Variants in MYO1E observed in about 807,000 individuals in gnomAD.
The protein encoded by MYO1E is unconventional myosin-Ie.
MYO1E carries 68 observed loss-of-function variants against 151.1 expected under a neutral mutation model. The ratio of observed to expected loss-of-function variants is 0.45; its 90% CI spans 0.37 to 0.55. MYO1E has a LOEUF of 0.55. Ranked by LOEUF, MYO1E falls within the 20% of genes least tolerant of loss-of-function variation. The pLI is 0.00. For missense variants in MYO1E, 1,363 were observed against 1,389.3 expected, an observed-to-expected ratio of 0.98 and a Z score of 0.30; for synonymous variants, 601 against 501.7, an observed-to-expected ratio of 1.20 and a Z score of -2.64.
intron 1 of MYO1E, among the ~76,000 whole-genome samples, chr15:59,283,958 T>C (rs1415703162): frequency 2.0e-5 from 3 of 152,238 alleles, no homozygotes; most frequent in East Asian, 1.9e-4. Flanking sequence ...TCCTTTTTTT[T>C]ACAGAAGAAA....
At chr15:59,212,408 G>GC (rs546082269) in intron 12 of MYO1E, among the ~76,000 whole-genome samples, 191 of 152,140 alleles carry the variant, frequency 1.3e-3, no homozygotes, top group African/African-American at 4.2e-3. Flanking sequence ...CTAAGCAGAG[G>GC]CATAAACACT....
At chr15:59,222,865 G>T (rs1387272982) in intron 9 of MYO1E, among the ~76,000 whole-genome samples, 194 bp downstream of exon 9, 1 of 152,234 alleles carries the variant, frequency 6.6e-6, no homozygotes, top group Non-Finnish European at 1.5e-5. Context: ...GAAAGGCTGG[G>T]GGTAAGGACA....
chr15:59,217,966 G>A lies in MYO1E; in HGVS notation c.1032C>T (p.Asn344=), dbSNP rs748090595. 1.4e-5 allele frequency: 22 copies of A among 1,614,118 alleles called. No individual in the cohort carries two copies. The East Asian group carries it at 1.6e-4, about 11-fold the overall frequency. ...GKSESIHVTL[N]VEQACYTRDA... is the part of the protein sequence containing the mutation. ...CCCGGGTGTAACAGGCCTGCTCTAC[G>A]TTGAGGGTCACGTGGATGGATTCGG... The change falls in exon 10 of 28, where the codon AAC becomes AAT. Residue 344 remains asparagine, a synonymous_variant. Coordinates refer to ENST00000288235, the MANE Select transcript of MYO1E (RefSeq NM_004998.4).
intron 1 of MYO1E, among the ~76,000 whole-genome samples, chr15:59,298,455 C>A (rs1383342567): frequency 1.3e-5 from 2 of 152,282 alleles, no homozygotes; most frequent in Non-Finnish European, 1.5e-5. Flanking sequence ...GAACTGAAAA[C>A]CAGAACTATG....
At chr15:59,229,670 A>G (rs1208347555) in intron 6 of MYO1E, among the ~76,000 whole-genome samples, 1 of 149,538 alleles carries the variant, frequency 6.7e-6, no homozygotes, top group Non-Finnish European at 1.5e-5. Flanking sequence ...GTATTTCGTA[A>G]TACATTCTTT....
chr15:59,140,751 G>T (rs1318496435), intron 26 of MYO1E, among the ~76,000 whole-genome samples: 1 of 152,188 alleles, frequency 6.6e-6, no homozygotes, highest in Non-Finnish European at 1.5e-5. Flanking sequence ...TGGCTGGGGG[G>T]AACACTGACT....
At chr15:59,313,117 A>T (rs1284370122) in intron 1 of MYO1E, among the ~76,000 whole-genome samples, 2 of 152,200 alleles carry the variant, frequency 1.3e-5, no homozygotes, top group East Asian at 3.8e-4. Flanking sequence ...GCTTTTGAGA[A>T]CCACTGCTTT....
chr15:59,280,022 G>C (rs532803292), intron 1 of MYO1E, among the ~76,000 whole-genome samples: 32 of 152,258 alleles, frequency 2.1e-4, no homozygotes, highest in Non-Finnish European at 3.5e-4. Context: ...GTCTTGCTAA[G>C]CAGAATGAAA....
At chr15:59,165,172 T>C (rs561031695) in intron 22 of MYO1E, among the ~76,000 whole-genome samples, 1 of 152,292 alleles carries the variant, frequency 6.6e-6, no homozygotes, top group South Asian at 2.1e-4. Flanking sequence ...AGGGGCTTGG[T>C]AATCCACAGG....
rs367706526 is a variant in MYO1E at position 59,202,565 on chromosome 15, T to G, written c.1617-158A>C. 1.5e-3 allele frequency among the ~76,000 whole-genome samples: 223 copies of G among 152,262 alleles called. 5 individuals carry two copies. In the South Asian group the frequency reaches 0.024, roughly 16 times the overall value. ...ACAGCGCGGGCCATCAAGATGTGACTTGGGGAAATGAACAACGGACAAAAG... is the reference window on the plus strand; with the variant it reads ...ACAGCGCGGGCCATCAAGATGTGACGTGGGGAAATGAACAACGGACAAAAG... On this transcript the variant is annotated intron_variant, in intron 15 of 27. Transcript: ENST00000288235.
chr15:59,327,662 G>GTA, intron 1 of MYO1E, among the ~76,000 whole-genome samples: 1 of 152,120 alleles, frequency 6.6e-6, no homozygotes. Context: ...GTGCAGGAGG[G>GTA]TATAGTGGGA....
chr15:59,252,012 G>A (rs1400868863), intron 4 of MYO1E, among the ~76,000 whole-genome samples: 1 of 152,088 alleles, frequency 6.6e-6, no homozygotes, highest in Non-Finnish European at 1.5e-5. Context: ...TGTCTAAAAC[G>A]CATACAATGC....
chr15:59,293,781 G>T (rs781548799), intron 1 of MYO1E, among the ~76,000 whole-genome samples: 1 of 152,070 alleles, frequency 6.6e-6, no homozygotes, highest in Non-Finnish European at 1.5e-5. Context: ...GGTGGCTCAC[G>T]CCTGTAATCC....
chr15:59,263,313 A>G (rs74926913), intron 2 of MYO1E, among the ~76,000 whole-genome samples: 6,956 of 151,568 alleles, frequency 0.046, 524 homozygotes, highest in African/African-American at 0.16. Context: ...TTACTTAAAT[A>G]AAATAATTAT....
intron 14 of MYO1E, among the ~76,000 whole-genome samples, chr15:59,206,331 G>C (rs1393871189): frequency 3.9e-5 from 6 of 152,208 alleles, no homozygotes; most frequent in Non-Finnish European, 8.8e-5. Context: ...CTGAGATTTA[G>C]TGCTGGAGTG....
chr15:59,209,820 T>A (rs1199373455), intron 13 of MYO1E, among the ~76,000 whole-genome samples: 1 of 82,596 alleles, frequency 1.2e-5, no homozygotes, highest in African/African-American at 7.3e-5. Context: ...ATCACCTTTT[T>A]TTTTTTTTTT....
intron 1 of MYO1E, among the ~76,000 whole-genome samples, chr15:59,309,641 C>A (rs1416597937): frequency 6.6e-6 from 1 of 150,510 alleles, no homozygotes; most frequent in Non-Finnish European, 1.5e-5. Flanking sequence ...AGCTGCCATT[C>A]CCTGAGACAT....
rs180713898 is a variant in MYO1E, at chr15:59,257,124, C to T, written c.238-746G>A. 5.4e-3 allele frequency among the ~76,000 whole-genome samples: 829 copies of T among 152,332 alleles called. 6 individuals are homozygous for T. Among genetic ancestry groups the T allele is most frequent in the African/African-American group, 0.019 (782 of 41,558 alleles). On this transcript the variant is annotated intron_variant, in intron 3 of 27. Transcript: ENST00000288235. ...AATTATCAGGCTGACTTCAGCCCTG[C>T]TTTATACAATTTCTTGACACCTACC...
intron 22 of MYO1E, among the ~76,000 whole-genome samples, chr15:59,165,105 G>C (rs2079556677): frequency 6.6e-6 from 1 of 152,180 alleles, no homozygotes; most frequent in African/African-American, 2.4e-5. Context: ...CTCTAGAACT[G>C]TAAAAATTAA....
Sources: gnomAD v4.1 joint callset for allele counts (sites outside exome capture counted in the v4.1 genomes callset) on GRCh38, gnomAD v4.1.1 for gene constraint, MANE v1.5 for transcripts, NCBI Gene and HGNC (gene_info 2026-07-23, HGNC 2026-07-21) for gene names.